BIRC6: variants seen among roughly 807,000 people sequenced by gnomAD.
The protein encoded by BIRC6 is baculoviral IAP repeat containing 6.
Under a neutral mutation model 503.3 loss-of-function variants are expected in BIRC6, and 98 were observed. The ratio of observed to expected loss-of-function variants is 0.19; its 90% CI spans 0.17 to 0.23. BIRC6 has a LOEUF of 0.23. Ranked by LOEUF, BIRC6 falls within the 10% of genes least tolerant of loss-of-function variation. BIRC6 has a pLI of 1.00. For synonymous variants in BIRC6, 2,240 were observed against 2,078.7 expected, an observed-to-expected ratio of 1.08 and a Z score of -2.11; for missense variants, 5,360 against 5,806.0, an observed-to-expected ratio of 0.92 and a Z score of 2.50.
intron 4 of BIRC6, among the ~76,000 whole-genome samples, chr2:32,390,509 T>G (rs1489199274): frequency 6.6e-6 from 1 of 152,094 alleles, no homozygotes; most frequent in Non-Finnish European, 1.5e-5. Flanking sequence ...AAGACAGGGT[T>G]TCACCATGTT....
chr2:32,595,184 C>G (rs750672636), intron 68 of BIRC6, 40 bp downstream of exon 68: 4 of 1,331,148 alleles, frequency 3.0e-6, no homozygotes, highest in Admixed American at 2.4e-5. Context: ...TCTCACTTTC[C>G]ATTTTTTTTT....
intron 59 of BIRC6, among the ~76,000 whole-genome samples, chr2:32,526,082 C>T (rs1417624562): frequency 6.6e-6 from 1 of 152,132 alleles, no homozygotes; most frequent in Admixed American, 6.6e-5. Context: ...GGTTGAGCAT[C>T]CCTAATCCAA....
At chr2:32,362,724 A>C (rs1201984428) in intron 1 of BIRC6, among the ~76,000 whole-genome samples, 1 of 152,158 alleles carries the variant, frequency 6.6e-6, no homozygotes, top group Non-Finnish European at 1.5e-5. Context: ...GAAATTTAGC[A>C]TAATAGTTAG....
chr2:32,556,002 T>A (rs1410648356), intron 65 of BIRC6, among the ~76,000 whole-genome samples: 1 of 152,006 alleles, frequency 6.6e-6, no homozygotes, highest in Non-Finnish European at 1.5e-5. Context: ...ATGGCTCTAG[T>A]TTTTGTGACA....
In BIRC6 at chr2:32,524,996, A is replaced by T; in HGVS notation, c.11732A>T (p.Asn3911Ile). Residue 3911 changes from asparagine to isoleucine, a missense_variant, in exon 58 of 74, where the codon AAT becomes ATT. This residue lies in a region of BIRC6 where 878 missense variants were observed against 928.9 expected (regional missense o/e 0.95). Coordinates refer to ENST00000421745, the MANE Select transcript of BIRC6 (RefSeq NM_016252.4). ...AAAGCGGAAAATGGATTTCAAGACA[A>T]TTACAGTGTTGTTGTTGCCTCTGGT... ...KVKAENGFQD[N>I]YSVVVASGLK... 1 of 1,570,114 alleles carries T rather than the reference A, an allele frequency of 6.4e-7. No homozygotes were observed. Among genetic ancestry groups the T allele is most frequent in the Non-Finnish European group, 8.6e-7 (1 of 1,161,358 alleles).
intron 24 of BIRC6, 34 bp downstream of exon 24, chr2:32,463,415 C>T: frequency 6.5e-7 from 1 of 1,527,814 alleles, no homozygotes; most frequent in South Asian, 1.3e-5. Flanking sequence ...TTCATGCTGT[C>T]TCTAAACTTC....
intron 33 of BIRC6, among the ~76,000 whole-genome samples, chr2:32,475,816 A>G (rs1236915108): frequency 1.3e-5 from 2 of 152,184 alleles, no homozygotes; most frequent in Admixed American, 6.5e-5. Context: ...AAATATAGAC[A>G]TACCAAAATG....
Position 32,531,460 on chromosome 2 carries a change from T to A in BIRC6, c.12200T>A (p.Ile4067Asn), listed in dbSNP as rs1438788293. Residue 4067 changes from isoleucine (I) to asparagine (N), a missense_variant, in exon 61 of 74, where the codon ATT becomes AAT. This residue lies in a region of BIRC6 where 878 missense variants were observed against 928.9 expected (regional missense o/e 0.95). Coordinates refer to ENST00000421745, the MANE Select transcript of BIRC6 (RefSeq NM_016252.4). ...LDESLLETCPIQSPLQVFAGM... is the reference protein window; with the variant it reads ...LDESLLETCPNQSPLQVFAGM... ...GAATCTTTGCTTGAAACCTGTCCAA[T>A]TCAGTCACCATTACAAGTTTTTGCA... is the stretch of plus-strand genomic sequence containing the variant. 1 of 1,613,770 alleles carries A rather than the reference T, an allele frequency of 6.2e-7. No individual in the cohort carries two copies. The highest frequency in any genetic ancestry group is 1.3e-5 in the African/African-American group (1 of 74,920).
intron 4 of BIRC6, among the ~76,000 whole-genome samples, chr2:32,389,891 C>T (rs570315197): frequency 1.1e-4 from 17 of 148,504 alleles, no homozygotes; most frequent in Admixed American, 8.1e-4. Context: ...GATAGAGTTT[C>T]GCTCGTTGCC....
chr2:32,440,508 CATTATTTATAAGGA>C (rs2045293727), intron 16 of BIRC6, among the ~76,000 whole-genome samples: 1 of 152,058 alleles, frequency 6.6e-6, no homozygotes, highest in Non-Finnish European at 1.5e-5. Context: ...TGTTTATCAT[CATTATTTATAAGGA>C]ATCATACTGA....
chr2:32,401,441 CTTAG>C lies in BIRC6; in HGVS notation c.1258-21_1258-18del. Reference sequence around the variant, plus strand: ...TAATTGAAAAAAGATCAGTTGTAAACTTAGGCTTTTCATTTGTTTAGGTGCACTT... The same window carrying C: ...TAATTGAAAAAAGATCAGTTGTAAACGCTTTTCATTTGTTTAGGTGCACTT... On this transcript the variant is annotated intron_variant, in intron 7 of 73. Transcript: ENST00000421745. 3.1e-6 allele frequency: 5 copies of C among 1,613,144 alleles called. No individual in the cohort carries two copies. The highest frequency in any genetic ancestry group is 4.2e-6 in the Non-Finnish European group (5 of 1,179,452).
At chr2:32,412,297 C>G (rs1308684507) in intron 9 of BIRC6, among the ~76,000 whole-genome samples, 1 of 151,884 alleles carries the variant, frequency 6.6e-6, no homozygotes, top group Non-Finnish European at 1.5e-5. Context: ...AGGAGTTCGA[C>G]ACTAGCCGGA....
intron 1 of BIRC6, among the ~76,000 whole-genome samples, chr2:32,367,772 C>T (rs367563932): frequency 6.6e-6 from 1 of 152,146 alleles, no homozygotes. Flanking sequence ...GTCTAGATCA[C>T]AGCACTGCAC....
intron 33 of BIRC6, among the ~76,000 whole-genome samples, chr2:32,475,082 T>G (rs987531680): frequency 4.1e-5 from 6 of 147,890 alleles, no homozygotes; most frequent in East Asian, 3.9e-4. Context: ...GGAGAATCCT[T>G]AAATCTGGGA....
chr2:32,516,998 T>C (rs2055121935), intron 55 of BIRC6, among the ~76,000 whole-genome samples: 2 of 152,148 alleles, frequency 1.3e-5, no homozygotes, highest in South Asian at 4.1e-4. Context: ...AAATAGATAA[T>C]ATAATTTTTA....
At position 32,443,592 on chromosome 2, in the gene BIRC6, T is replaced by G; in HGVS notation, c.4336+4T>G. ...TTACCTGCAGCAACAACTGGTGGTA[T>G]GTAAAATTAATTTAATCACAAATAG... On this transcript the variant is annotated splice_donor_region_variant and intron_variant, in intron 20 of 73. Coordinates refer to ENST00000421745, the MANE Select transcript of BIRC6 (RefSeq NM_016252.4). 1 of 1,580,550 alleles carries G rather than the reference T, an allele frequency of 6.3e-7. No homozygotes were observed. The highest frequency in any genetic ancestry group is 8.6e-7 in the Non-Finnish European group (1 of 1,158,560).
chr2:32,425,244 A>G (rs1046695452), intron 10 of BIRC6, among the ~76,000 whole-genome samples: 2 of 152,038 alleles, frequency 1.3e-5, no homozygotes, highest in Non-Finnish European at 2.9e-5. Flanking sequence ...TGCACAAAAC[A>G]TTGGCATTTT....
chr2:32,563,356 G>A (rs1480710278), intron 65 of BIRC6: 1 of 152,140 alleles, frequency 6.6e-6, no homozygotes, highest in African/African-American at 2.4e-5. Flanking sequence ...CATTCCAGCA[G>A]ATGTAGCTAA....
rs760660148 is a variant in BIRC6, at chr2:32,500,008, C to T, written c.8930C>T (p.Pro2977Leu). The T allele has an allele frequency of 1.2e-6, 2 of 1,613,852 alleles. No homozygotes were observed. Among genetic ancestry groups the T allele is most frequent in the African/African-American group, 1.3e-5 (1 of 74,922 alleles). ...NGSSTSVQGSPAYVADLVLAN... is the reference protein window; with the variant it reads ...NGSSTSVQGSLAYVADLVLAN... ...AGCAGTACCAGTGTTCAAGGATCGC[C>T]TGCATATGTTGCTGACTTAGTCTTA... The change falls in exon 46 of 74, where the codon CCT (proline) becomes CTT (leucine). Residue 2977 changes from proline to leucine, a missense_variant. Physicochemically the swap from Pro to Leu is moderately conservative, Grantham distance 98. Transcript: ENST00000421745.
Sources: gnomAD v4.1 joint callset for allele counts (sites outside exome capture counted in the v4.1 genomes callset) on GRCh38, gnomAD v4.1.1 for gene constraint, gnomAD v4.1.1 regional missense constraint, MANE v1.5 for transcripts, NCBI Gene and HGNC (gene_info 2026-07-23, HGNC 2026-07-21) for gene names.